Variants in GHITM observed in about 807,000 individuals in gnomAD.
The protein encoded by GHITM is growth hormone-inducible transmembrane protein.
In GHITM, 24 loss-of-function variants were observed where a neutral mutation model predicts 38.7. The ratio of observed to expected loss-of-function variants is 0.62; its 90% CI spans 0.45 to 0.87. The LOEUF is 0.87. Ranked by LOEUF, GHITM falls within the 40% of genes least tolerant of loss-of-function variation. The probability of loss-of-function intolerance (pLI) is 0.00; values close to 1 mark genes in which losing one functional copy is unlikely to be tolerated. For synonymous variants in GHITM, 154 were observed against 147.8 expected, an observed-to-expected ratio of 1.04 and a Z score of -0.30; for missense variants, 420 against 429.8, an observed-to-expected ratio of 0.98 and a Z score of 0.20.
chr10:84,150,354 T>G, intron 7 of GHITM, 111 bp downstream of exon 7: 2 of 871,630 alleles, frequency 2.3e-6, no homozygotes, highest in Non-Finnish European at 3.4e-6. Flanking sequence ...TTTTTAAAGA[T>G]TTATGCTAAT....
At chr10:84,147,488 A>C (rs1841567411) in intron 5 of GHITM, among the ~76,000 whole-genome samples, 1 of 152,154 alleles carries the variant, frequency 6.6e-6, no homozygotes, top group Non-Finnish European at 1.5e-5. Flanking sequence ...GAATATTTTG[A>C]TGTTCATAGG....
In GHITM at chr10:84,141,660, T is replaced by C. The variant is rs111689565; in HGVS notation, c.129+31T>C. The C allele has an allele frequency of 9.4e-5, 152 of 1,609,308 alleles. 1 individual carries two copies. The African/African-American group carries it at 1.5e-3, about 16-fold the overall frequency. On this transcript the variant is annotated intron_variant, in intron 2 of 8. Transcript: ENST00000372134. ...GATAATCTGAATGTTTTTATATTGC[T>C]TCTTTTTCCATTTGTGCCCTTTCTT...
intron 4 of GHITM, among the ~76,000 whole-genome samples, chr10:84,144,357 G>GTTTA (rs1285910713): frequency 6.6e-6 from 1 of 152,050 alleles, no homozygotes; most frequent in East Asian, 1.9e-4. Flanking sequence ...TTGTTTGTTT[G>GTTTA]TTTGTTTGTT....
chr10:84,141,310 A>G (rs967039834), intron 1 of GHITM, among the ~76,000 whole-genome samples, 152 bp from the exon 2 acceptor site: 14 of 152,346 alleles, frequency 9.2e-5, no homozygotes, highest in South Asian at 6.2e-4. Flanking sequence ...CAAAGAATTC[A>G]TCGCTGAAAA....
At chr10:84,142,436 C>T (rs576125198) in intron 2 of GHITM, among the ~76,000 whole-genome samples, 9 of 152,202 alleles carry the variant, frequency 5.9e-5, no homozygotes, top group Non-Finnish European at 1.2e-4. Context: ...GAATTACTAA[C>T]TTCCAAAGGT....
chr10:84,148,949 C>T, intron 6 of GHITM, 111 bp downstream of exon 6: 1 of 691,788 alleles, frequency 1.4e-6, no homozygotes, highest in Non-Finnish European at 2.6e-6. Context: ...GTTTAGAAAA[C>T]ACCATTTTCT....
rs1486060157 is a variant in GHITM at position 84,152,588 on chromosome 10, A to G, written c.*240A>G. The stretch of plus-strand genomic sequence containing the variant: ...TCAATTCTCATGTTTGAGTGATTTT[A>G]AAATGTTTTGGTGAATGTGAAAACT... On this transcript the variant is annotated 3_prime_UTR_variant, in exon 9 of 9. Transcript: ENST00000372134. 1 of 370,784 alleles carries G rather than the reference A, an allele frequency of 2.7e-6. No individual in the cohort carries two copies. Among genetic ancestry groups the G allele is most frequent in the Non-Finnish European group, 4.8e-6 (1 of 208,816 alleles). 23.0% of individuals were successfully genotyped at this position (370,784 alleles called of 1,614,324 possible). A position where few individuals can be genotyped will look rare whatever the true frequency, so the allele number is the denominator to read the frequency against.
At chr10:84,145,518 C>T (rs1353949476) in intron 5 of GHITM, among the ~76,000 whole-genome samples, 2 of 152,328 alleles carry the variant, frequency 1.3e-5, no homozygotes, top group East Asian at 3.9e-4. Flanking sequence ...AGATATCAGA[C>T]AGCCTCTAAT....
chr10:84,151,088 C>T (rs533366434), intron 8 of GHITM, among the ~76,000 whole-genome samples: 20 of 152,292 alleles, frequency 1.3e-4, no homozygotes, highest in African/African-American at 4.6e-4. Context: ...AGTTGTACTT[C>T]TGAGGGCCCT....
Position 84,152,401 on chromosome 10 carries a change from C to A in GHITM, c.*53C>A. On this transcript the variant is annotated 3_prime_UTR_variant, in exon 9 of 9. Transcript: ENST00000372134. Reference sequence around the variant, plus strand: ...ACATCAAATATCTTGTTTAATGGGGCAGATATGCATTAAATAGTTTGTACA... The same window carrying A: ...ACATCAAATATCTTGTTTAATGGGGAAGATATGCATTAAATAGTTTGTACA... 2.1e-6 allele frequency: 2 copies of A among 938,518 alleles called. No individual in the cohort carries two copies. The highest frequency in any genetic ancestry group is 3.4e-6 in the Non-Finnish European group (2 of 579,850). 58.1% of individuals were successfully genotyped at this position (938,518 alleles called of 1,614,324 possible).
At position 84,145,021 on chromosome 10, in the gene GHITM, G is replaced by C; in HGVS notation, c.483+5G>C. 1 of 1,584,088 alleles carries C rather than the reference G, an allele frequency of 6.3e-7. No homozygotes were observed. On this transcript the variant is annotated splice_donor_5th_base_variant and intron_variant, in intron 5 of 8. Transcript: ENST00000372134. ...ATGATGAGAGGCTCTTGGGTGGTAA[G>C]TCAGCTGTTTTTGTTTTCCTTTTTC...
At chr10:84,144,652 C>G (rs1052367907) in intron 4 of GHITM, among the ~76,000 whole-genome samples, 5 of 152,130 alleles carry the variant, frequency 3.3e-5, no homozygotes, top group African/African-American at 1.2e-4. Flanking sequence ...CCGCACCCAG[C>G]CAAAAATATG....
intron 5 of GHITM, among the ~76,000 whole-genome samples, chr10:84,147,848 C>A (rs902840720): frequency 1.3e-5 from 2 of 152,024 alleles, no homozygotes; most frequent in African/African-American, 2.4e-5. Context: ...AGCCATAAAC[C>A]TGGAAGGGTA....
At chr10:84,144,335 G>A (rs1841536064) in intron 4 of GHITM, among the ~76,000 whole-genome samples, 1 of 151,538 alleles carries the variant, frequency 6.6e-6, no homozygotes, top group African/African-American at 2.4e-5. Flanking sequence ...GAGAAAATAT[G>A]AAATATGTTT....
Position 84,139,607 on chromosome 10 carries a change from T to C in GHITM, c.-40+14T>C, listed in dbSNP as rs1408208041. On this transcript the variant is annotated intron_variant, in intron 1 of 8. Coordinates refer to ENST00000372134, the MANE Select transcript of GHITM (RefSeq NM_014394.3). Reference sequence around the variant, plus strand: ...CCGGGGACCGAGGTACTGCTCCGGCTGGCCGGCGGGCGCCCGGGATCCCCG... The same window carrying C: ...CCGGGGACCGAGGTACTGCTCCGGCCGGCCGGCGGGCGCCCGGGATCCCCG... The C allele has an allele frequency of 1.3e-5, 2 of 152,334 alleles. No homozygotes were observed. Among genetic ancestry groups the C allele is most frequent in the Non-Finnish European group, 2.9e-5 (2 of 68,124 alleles). The allele number at this position is 152,334 out of a possible 1,614,324, so 9.4% of individuals were successfully genotyped here. A position where few individuals can be genotyped will look rare whatever the true frequency, so the allele number is the denominator to read the frequency against.
chr10:84,149,903 AATTTGGTGGGGGTAGT>A, intron 6 of GHITM, 136 bp from the exon 7 acceptor site: 1 of 477,580 alleles, frequency 2.1e-6, no homozygotes, highest in Non-Finnish European at 3.5e-6. Context: ...TGGGCTGTAG[AATTTGGTGGGGGTAGT>A]ATTATCTAAA....
intron 1 of GHITM, chr10:84,140,381 T>C (rs1472735607): frequency 2.0e-5 from 3 of 152,218 alleles, no homozygotes; most frequent in Non-Finnish European, 4.4e-5. Flanking sequence ...TTTTGGAGTG[T>C]TCGTTAAAAC....
intron 5 of GHITM, among the ~76,000 whole-genome samples, chr10:84,147,424 C>T (rs74320402): frequency 0.022 from 3,366 of 152,180 alleles, 54 homozygotes; most frequent in Non-Finnish European, 0.032. Flanking sequence ...TTAAGGTTTT[C>T]CCATTCTTGG....
chr10:84,139,961 C>T (rs1336770203), intron 1 of GHITM: 1 of 152,308 alleles, frequency 6.6e-6, no homozygotes, highest in Non-Finnish European at 1.5e-5. Flanking sequence ...ATCTAGCGGG[C>T]TGGGTGAACT....
Sources: allele counts gnomAD v4.1 joint callset (sites outside exome capture counted in the v4.1 genomes callset), GRCh38; gene constraint gnomAD v4.1.1; transcripts MANE v1.5; gene names NCBI Gene and HGNC (gene_info 2026-07-23, HGNC 2026-07-21).